Variants in UBE2W observed in about 807,000 individuals in gnomAD.
UBE2W encodes ubiquitin-conjugating enzyme E2 W.
In UBE2W, 18 loss-of-function variants were observed where a neutral mutation model predicts 27.2. The ratio of observed to expected loss-of-function variants is 0.66; its 90% CI spans 0.46 to 0.98. UBE2W has a LOEUF of 0.98. Ranked by LOEUF, UBE2W falls within the 50% of genes least tolerant of loss-of-function variation. The pLI, the probability that UBE2W is intolerant of heterozygous loss-of-function variation, is 0.00. For synonymous variants in UBE2W, 53 were observed against 57.2 expected (o/e 0.93, Z 0.33); for missense variants, 90 against 180.2 (o/e 0.50, Z 2.87).
chr8:73,799,451 G>C (rs1206059086), intron 5 of UBE2W, among the ~76,000 whole-genome samples: 1 of 152,146 alleles, frequency 6.6e-6, no homozygotes, highest in African/African-American at 2.4e-5. Flanking sequence ...TTTAACACTG[G>C]TATTTGGCAG....
In UBE2W at chr8:73,794,215, T is replaced by C. The variant is rs191307640; in HGVS notation, c.443-100A>G. 5 of 1,396,576 alleles carry C rather than the reference T, an allele frequency of 3.6e-6. No homozygotes were observed. The Admixed American group carries it at 1.0e-4, about 29-fold the overall frequency. The allele number at this position is 1,396,576 out of a possible 1,614,324, so 86.5% of individuals were successfully genotyped here. The stretch of plus-strand genomic sequence containing the variant: ...AGAAATAATTTCAATTAGCAAGAAG[T>C]ACATAGTTTACATGTCTGATCTGCC... On this transcript the variant is annotated intron_variant, in intron 5 of 5. Transcript: ENST00000602593.
intron 1 of UBE2W, among the ~76,000 whole-genome samples, chr8:73,864,343 A>T (rs138766279): frequency 1.8e-4 from 27 of 152,322 alleles, no homozygotes; most frequent in African/African-American, 6.3e-4. Context: ...AGACAAGATC[A>T]TGCCACTGCA....
At chr8:73,860,764 T>C (rs1387520744) in intron 1 of UBE2W, among the ~76,000 whole-genome samples, 3 of 152,006 alleles carry the variant, frequency 2.0e-5, no homozygotes, top group Non-Finnish European at 4.4e-5. Flanking sequence ...TAGGTAAGTT[T>C]TAAAAACAAA....
At chr8:73,872,836 T>C (rs987372024) in intron 1 of UBE2W, among the ~76,000 whole-genome samples, 2 of 152,194 alleles carry the variant, frequency 1.3e-5, no homozygotes, top group African/African-American at 4.8e-5. Flanking sequence ...ATGTGTATAC[T>C]TGTGTACTGA....
chr8:73,842,528 C>CA (rs759063478), intron 1 of UBE2W, among the ~76,000 whole-genome samples: 3,525 of 9,642 alleles, frequency 0.37, 1,548 homozygotes, highest in Non-Finnish European at 0.62. Flanking sequence ...GACTCCGTCT[C>CA]AAAAAAAAAA....
At chr8:73,856,046 A>C (rs1193442018) in intron 1 of UBE2W, among the ~76,000 whole-genome samples, 1 of 152,152 alleles carries the variant, frequency 6.6e-6, no homozygotes, top group African/African-American at 2.4e-5. Context: ...ACCTTCGTCT[A>C]ATGCTATTGT....
intron 3 of UBE2W, among the ~76,000 whole-genome samples, chr8:73,814,369 C>G (rs895947931): frequency 1.3e-5 from 2 of 152,102 alleles, no homozygotes; most frequent in Non-Finnish European, 2.9e-5. Flanking sequence ...ATATGAACAG[C>G]CAACGATGGA....
intron 3 of UBE2W, among the ~76,000 whole-genome samples, chr8:73,817,265 T>C (rs1295739472): frequency 1.3e-5 from 2 of 151,658 alleles, no homozygotes; most frequent in East Asian, 1.9e-4. Context: ...AAGGCGGAGG[T>C]TGCGATGAGC....
At chr8:73,805,472 C>CAAAAAAAAAA in intron 5 of UBE2W, among the ~76,000 whole-genome samples, 179 bp downstream of exon 5, 454 of 43,604 alleles carry the variant, frequency 0.01, 66 homozygotes, top group Non-Finnish European at 0.018. Flanking sequence ...AAAAAAAAAA[C>CAAAAAAAAAA]AAAAAAAACT....
chr8:73,858,158 C>CA (rs1310040786), intron 1 of UBE2W, among the ~76,000 whole-genome samples: 13 of 151,968 alleles, frequency 8.6e-5, no homozygotes, highest in African/African-American at 2.9e-4. Flanking sequence ...GTCAGGGGTT[C>CA]AAGACCAGCC....
In UBE2W at chr8:73,878,270, G is replaced by T. The variant is rs552602113; in HGVS notation, c.15+538C>A. Among the ~76,000 whole-genome samples, 927 of 152,334 alleles carry T rather than the reference G, an allele frequency of 6.1e-3. 6 individuals are homozygous for T. Among genetic ancestry groups the T allele is most frequent in the Non-Finnish European group, 0.01 (696 of 68,032 alleles). Reference sequence around the variant, plus strand: ...GAGTCAAAGGGAAGAAGAGAGGGACGGGGCCGAGCAGTCTGGGGGGCCCGG... The same window carrying T: ...GAGTCAAAGGGAAGAAGAGAGGGACTGGGCCGAGCAGTCTGGGGGGCCCGG... On this transcript the variant is annotated intron_variant, in intron 1 of 5. Transcript: ENST00000602593.
chr8:73,833,915 C>T (rs1810197834), intron 1 of UBE2W: 1 of 152,140 alleles, frequency 6.6e-6, no homozygotes, highest in South Asian at 2.1e-4. Context: ...GTCCCTCGCT[C>T]CCGAGAGGTC....
chr8:73,870,258 C>G, intron 1 of UBE2W: 1 of 1,584,690 alleles, frequency 6.3e-7, no homozygotes, highest in Non-Finnish European at 8.6e-7. Context: ...GGCAAAAAAA[C>G]ACACACTTAC....
intron 1 of UBE2W, among the ~76,000 whole-genome samples, chr8:73,834,866 G>A (rs552497908): frequency 9.3e-4 from 141 of 152,252 alleles, no homozygotes; most frequent in Middle Eastern, 3.4e-3. Context: ...CCTAGATCAC[G>A]CGAATGCACT....
At chr8:73,874,495 A>T (rs913408365) in intron 1 of UBE2W, among the ~76,000 whole-genome samples, 2 of 152,228 alleles carry the variant, frequency 1.3e-5, no homozygotes, top group African/African-American at 4.8e-5. Context: ...ATTCAATTTT[A>T]GGATTCACCT....
intron 5 of UBE2W, among the ~76,000 whole-genome samples, chr8:73,801,576 A>T (rs1456885195): frequency 6.6e-6 from 1 of 152,254 alleles, no homozygotes; most frequent in African/African-American, 2.4e-5. Context: ...ACACTTAAAA[A>T]TAACTATGTT....
At chr8:73,831,020 G>A (rs1398861203) in intron 1 of UBE2W, 3 of 195,594 alleles carry the variant, frequency 1.5e-5, no homozygotes, top group Admixed American at 1.2e-4. Flanking sequence ...GAGTTTCCTG[G>A]AGGGTGGCAC....
At chr8:73,798,574 G>T (rs77927360) in intron 5 of UBE2W, among the ~76,000 whole-genome samples, 8,059 of 152,148 alleles carry the variant, frequency 0.053, 689 homozygotes, top group African/African-American at 0.18. Context: ...TGTCCTCCCC[G>T]CTGTGGAAAG....
At chr8:73,862,040 AAGG>A (rs1261728179) in intron 1 of UBE2W, among the ~76,000 whole-genome samples, 27 of 152,356 alleles carry the variant, frequency 1.8e-4, no homozygotes, top group African/African-American at 6.5e-4. Flanking sequence ...AAACAGGTAC[AAGG>A]AGATGTATTA....
Sources: gnomAD v4.1 joint callset for allele counts (sites outside exome capture counted in the v4.1 genomes callset) on GRCh38, gnomAD v4.1.1 for gene constraint, MANE v1.5 for transcripts, NCBI Gene and HGNC (gene_info 2026-07-23, HGNC 2026-07-21) for gene names.